RBFOX1: variants seen among roughly 807,000 people sequenced by gnomAD.
RBFOX1 encodes RNA binding protein fox-1 homolog 1.
A neutral mutation model predicts 57.7 loss-of-function variants in RBFOX1; 8 were observed. The ratio of observed to expected loss-of-function variants is 0.14; its 90% CI spans 0.08 to 0.25. The LOEUF is 0.25. RBFOX1 is among the 10% of genes least tolerant of loss of function. The pLI, the probability that RBFOX1 is intolerant of heterozygous loss-of-function variation, is 1.00. For missense variants in RBFOX1, 611 were observed against 548.5 expected, an observed-to-expected ratio of 1.11 and a Z score of -1.14; for synonymous variants, 326 against 222.4, an observed-to-expected ratio of 1.47 and a Z score of -4.15.
At chr16:7,532,129 T>G (rs901194364) in intron 5 of RBFOX1, among the ~76,000 whole-genome samples, 10 of 109,332 alleles carry the variant, frequency 9.1e-5, no homozygotes, top group African/African-American at 2.8e-4. Context: ...AGAAACTAGC[T>G]ACCTTTTTTT....
chr16:6,604,143 C>T (rs1028832422), intron 2 of RBFOX1, among the ~76,000 whole-genome samples: 1 of 151,942 alleles, frequency 6.6e-6, no homozygotes, highest in Non-Finnish European at 1.5e-5. Context: ...GCAGCATCCC[C>T]TCGCCTTGGC....
At chr16:7,424,639 A>G (rs11647016) in intron 4 of RBFOX1, among the ~76,000 whole-genome samples, 44,406 of 152,134 alleles carry the variant, frequency 0.29, 8,051 homozygotes, top group Non-Finnish European at 0.4. Flanking sequence ...CACAAGGTAC[A>G]TAATGCATTT....
chr16:5,322,909 G>A (rs1285917100), intron 1 of RBFOX1, among the ~76,000 whole-genome samples: 1 of 152,186 alleles, frequency 6.6e-6, no homozygotes, highest in Admixed American at 6.5e-5. Flanking sequence ...CGGCATGAAT[G>A]GGTGGTTTTG....
intron 4 of RBFOX1, among the ~76,000 whole-genome samples, chr16:7,389,756 A>G (rs1314358549): frequency 6.6e-6 from 1 of 152,106 alleles, no homozygotes; most frequent in Non-Finnish European, 1.5e-5. Context: ...ACCAATAATA[A>G]TATTGGTGGT....
At chr16:5,340,596 T>G (rs573351341) in intron 1 of RBFOX1, among the ~76,000 whole-genome samples, 2 of 152,314 alleles carry the variant, frequency 1.3e-5, no homozygotes, top group South Asian at 4.1e-4. Flanking sequence ...GCTTAGTGTT[T>G]TGAGGATTTT....
At chr16:6,264,296 C>T (rs575923011) in intron 1 of RBFOX1, among the ~76,000 whole-genome samples, 4 of 152,250 alleles carry the variant, frequency 2.6e-5, no homozygotes, top group Admixed American at 1.3e-4. Context: ...ATAACCATGC[C>T]ATATCCCTGC....
chr16:6,262,693 T>C (rs2097708653), intron 1 of RBFOX1, among the ~76,000 whole-genome samples: 2 of 152,150 alleles, frequency 1.3e-5, no homozygotes, highest in South Asian at 2.1e-4. Flanking sequence ...TGATTTATTA[T>C]TTAAAGTTTA....
chr16:6,516,319 T>C (rs561840422), intron 2 of RBFOX1, among the ~76,000 whole-genome samples: 1 of 152,254 alleles, frequency 6.6e-6, no homozygotes, highest in Non-Finnish European at 1.5e-5. Flanking sequence ...TGTGTGAGTT[T>C]AGATAAGCTG....
At chr16:6,681,946 A>G (rs1420453469) in intron 3 of RBFOX1, among the ~76,000 whole-genome samples, 1 of 152,170 alleles carries the variant, frequency 6.6e-6, no homozygotes, top group East Asian at 1.9e-4. Context: ...GTAAGTTTTG[A>G]TATTAATATC....
chr16:7,554,490 C>A (rs1378006237), intron 5 of RBFOX1, among the ~76,000 whole-genome samples: 1 of 151,984 alleles, frequency 6.6e-6, no homozygotes, highest in Non-Finnish European at 1.5e-5. Context: ...CAGCCTGAGT[C>A]GTGTAGACTA....
chr16:5,952,128 T>C (rs1045584982), intron 4 of RBFOX1, among the ~76,000 whole-genome samples: 10 of 150,530 alleles, frequency 6.6e-5, no homozygotes, highest in East Asian at 1.9e-4. Flanking sequence ...CACACACACA[T>C]ATATATATAG....
chr16:7,405,435 A>T (rs1376135522), intron 4 of RBFOX1, among the ~76,000 whole-genome samples: 1 of 152,160 alleles, frequency 6.6e-6, no homozygotes, highest in Non-Finnish European at 1.5e-5. Context: ...AGCGGAGCTG[A>T]GCTCCGGGCG....
At chr16:7,185,737 A>T (rs1183972659) in intron 4 of RBFOX1, among the ~76,000 whole-genome samples, 1 of 152,216 alleles carries the variant, frequency 6.6e-6, no homozygotes, top group African/African-American at 2.4e-5. Context: ...TGAGGCACAT[A>T]AATGTCGAGA....
chr16:5,865,855 G>A (rs1039024627), intron 3 of RBFOX1, among the ~76,000 whole-genome samples: 1 of 152,082 alleles, frequency 6.6e-6, no homozygotes, highest in African/African-American at 2.4e-5. Flanking sequence ...GTTGTAGGTG[G>A]CTGCCTTCTT....
At chr16:5,548,175 AT>A (rs1360457306) in intron 2 of RBFOX1, among the ~76,000 whole-genome samples, 829 of 28,176 alleles carry the variant, frequency 0.029, 13 homozygotes, top group African/African-American at 0.059. Flanking sequence ...AAAAAAAAAA[AT>A]ATATATATAT....
intron 4 of RBFOX1, among the ~76,000 whole-genome samples, chr16:7,340,349 T>A (rs2096869385): frequency 6.6e-6 from 1 of 152,232 alleles, no homozygotes; most frequent in Admixed American, 6.5e-5. Context: ...CCTGATCACT[T>A]GTTGCCATTG....
At chr16:6,899,352 C>G (rs2067880146) in intron 3 of RBFOX1, among the ~76,000 whole-genome samples, 1 of 152,144 alleles carries the variant, frequency 6.6e-6, no homozygotes, top group Non-Finnish European at 1.5e-5. Context: ...TATTTAGCAT[C>G]AGGCATTTTC....
At chr16:7,551,498 A>T (rs1386196756) in intron 5 of RBFOX1, among the ~76,000 whole-genome samples, 1 of 152,240 alleles carries the variant, frequency 6.6e-6, no homozygotes, top group Non-Finnish European at 1.5e-5. Flanking sequence ...GTAGTGATCC[A>T]GTCAGCCAAT....
intron 4 of RBFOX1, among the ~76,000 whole-genome samples, chr16:7,492,174 C>A (rs927768126): frequency 3.3e-5 from 5 of 152,128 alleles, no homozygotes; most frequent in Non-Finnish European, 7.3e-5. Context: ...TTTGGAATTC[C>A]CAACATAACC....
Sources: allele counts gnomAD v4.1 joint callset (sites outside exome capture counted in the v4.1 genomes callset), GRCh38; gene constraint gnomAD v4.1.1; transcripts MANE v1.5; gene names NCBI Gene and HGNC (gene_info 2026-07-23, HGNC 2026-07-21).